Variants in CNOT6 observed in about 807,000 individuals in gnomAD.
The protein encoded by CNOT6 is carbon catabolite repression 4 protein.
Under a neutral mutation model 61.2 loss-of-function variants are expected in CNOT6, and 12 were observed. That is an observed-to-expected ratio of 0.20 (90% confidence interval 0.13 to 0.32). CNOT6 has a LOEUF of 0.32. Ranked by LOEUF, CNOT6 falls within the 10% of genes least tolerant of loss-of-function variation. The pLI, the probability that CNOT6 is intolerant of heterozygous loss-of-function variation, is 1.00. For missense variants in CNOT6, 405 were observed against 663.9 expected (o/e 0.61, Z 4.28); for synonymous variants, 225 against 240.6 (o/e 0.94, Z 0.60).
chr5:180,536,017 T>G (rs71591498), intron 2 of CNOT6, among the ~76,000 whole-genome samples: 14,119 of 87,372 alleles, frequency 0.16, 1,696 homozygotes, highest in Non-Finnish European at 0.2. Flanking sequence ...TTTTTTTTTT[T>G]GACAGTCTCA....
chr5:180,538,017 A>G (rs963548922), intron 2 of CNOT6, among the ~76,000 whole-genome samples: 7 of 150,634 alleles, frequency 4.6e-5, no homozygotes, highest in African/African-American at 1.7e-4. Flanking sequence ...AGCCTGGGCA[A>G]CATGGTGGAA....
At chr5:180,548,375 A>G (rs1759418693) in intron 2 of CNOT6, among the ~76,000 whole-genome samples, 2 of 152,232 alleles carry the variant, frequency 1.3e-5, no homozygotes, top group Admixed American at 6.5e-5. Context: ...AGTTTCTCAC[A>G]TGCATGTGTC....
At chr5:180,533,213 A>T (rs1758477493) in intron 2 of CNOT6, among the ~76,000 whole-genome samples, 1 of 151,470 alleles carries the variant, frequency 6.6e-6, no homozygotes, top group Admixed American at 6.6e-5. Flanking sequence ...GGAAAGGAGG[A>T]TAGGAGAAGG....
At chr5:180,531,047 T>C (rs1046385074) in intron 2 of CNOT6, among the ~76,000 whole-genome samples, 2 of 151,562 alleles carry the variant, frequency 1.3e-5, no homozygotes, top group South Asian at 2.1e-4. Context: ...AAACCGCCGT[T>C]GTCATCATGG....
At chr5:180,562,305 C>T (rs1010151351) in intron 4 of CNOT6, among the ~76,000 whole-genome samples, 21 of 152,126 alleles carry the variant, frequency 1.4e-4, no homozygotes, top group Admixed American at 1.2e-3. Flanking sequence ...CTCCATCTAC[C>T]CTAAAGTAAC....
chr5:180,570,251 G>A (rs12108765), intron 10 of CNOT6, among the ~76,000 whole-genome samples: 8,827 of 152,182 alleles, frequency 0.058, 345 homozygotes, highest in Non-Finnish European at 0.083. Context: ...CCAGCTACTC[G>A]GGAGGCTGAG....
At chr5:180,503,257 T>A (rs1756961152) in intron 1 of CNOT6, among the ~76,000 whole-genome samples, 1 of 142,696 alleles carries the variant, frequency 7.0e-6, no homozygotes, top group African/African-American at 2.4e-5. Flanking sequence ...CTAGTTTGTA[T>A]TTTTCTTTTT....
At chr5:180,548,821 T>G (rs1581539413) in intron 2 of CNOT6, among the ~76,000 whole-genome samples, 1 of 152,260 alleles carries the variant, frequency 6.6e-6, no homozygotes, top group East Asian at 1.9e-4. Flanking sequence ...AGAAAATTAA[T>G]CAGTTCTGAA....
intron 2 of CNOT6, among the ~76,000 whole-genome samples, chr5:180,541,881 G>T (rs1280430121): frequency 1.3e-5 from 2 of 151,556 alleles, no homozygotes; most frequent in Admixed American, 6.6e-5. Context: ...TCGCTCTGTT[G>T]CCCAGGCTAC....
chr5:180,541,128 A>G (rs1561649616), intron 2 of CNOT6, among the ~76,000 whole-genome samples: 1 of 151,764 alleles, frequency 6.6e-6, no homozygotes, highest in Non-Finnish European at 1.5e-5. Context: ...TCTTCTTTTT[A>G]AATTAAATTA....
Position 180,565,868 on chromosome 5 carries a change from C to G in CNOT6, c.608C>G (p.Thr203Ser), listed in dbSNP as rs1273924508. 1 of 1,613,448 alleles carries G rather than the reference C, an allele frequency of 6.2e-7. No homozygotes were observed. Among genetic ancestry groups the G allele is most frequent in the Non-Finnish European group, 8.5e-7 (1 of 1,179,496 alleles). The change falls in exon 7 of 12, where the codon ACC (threonine) becomes AGC (serine). Residue 203 changes from threonine (T) to serine (S), a missense_variant. Thr to Ser is a moderately conservative substitution (Grantham distance 58, BLOSUM62 1). This residue lies in a region of CNOT6 where 212 missense variants were observed against 307.1 expected (regional missense o/e 0.69). Coordinates refer to ENST00000261951, the MANE Select transcript of CNOT6 (RefSeq NM_001370472.1). ...CYNVLCDKYA[T>S]RQLYGYCPSW... is the part of the protein sequence containing the mutation. ...AATGTTCTTTGTGATAAATATGCGA[C>G]CCGGCAGTTATACGGCTACTGTCCA...
intron 1 of CNOT6, among the ~76,000 whole-genome samples, chr5:180,522,769 T>C (rs575642777): frequency 6.6e-6 from 1 of 152,212 alleles, no homozygotes; most frequent in East Asian, 1.9e-4. Context: ...CTGCCTTAGC[T>C]CCCAAAGTAG....
Position 180,576,609 on chromosome 5 carries a change from C to A in CNOT6, c.*2409C>A, listed in dbSNP as rs1177646977. 1 of 152,510 alleles carries A rather than the reference C, an allele frequency of 6.6e-6. No homozygotes were observed. The highest frequency in any genetic ancestry group is 2.4e-5 in the African/African-American group (1 of 41,426). 9.4% of individuals were successfully genotyped at this position (152,510 alleles called of 1,614,324 possible). A position where few individuals can be genotyped will look rare whatever the true frequency, so the allele number is the denominator to read the frequency against. ...GAACAGCTTCTCCACCTTATTTGGA[C>A]AGTGATAAATTGAACCAAGAGTGTA... On this transcript the variant is annotated 3_prime_UTR_variant, in exon 12 of 12. Coordinates refer to ENST00000261951, the MANE Select transcript of CNOT6 (RefSeq NM_001370472.1).
Position 180,499,673 on chromosome 5 carries a change from C to T in CNOT6, c.-3+4910C>T, listed in dbSNP as rs1756775290. ...TCAGTGACACATTTAAAAAAGGAACCTGGTAAAAATGATAGAACAGTTTTA... is the reference window on the plus strand; with the variant it reads ...TCAGTGACACATTTAAAAAAGGAACTTGGTAAAAATGATAGAACAGTTTTA... On this transcript the variant is annotated intron_variant, in intron 1 of 11. Transcript: ENST00000261951. Among the ~76,000 whole-genome samples, 3 of 152,110 alleles carry T rather than the reference C, an allele frequency of 2.0e-5. No homozygotes were observed. The South Asian group carries it at 6.2e-4, about 32-fold the overall frequency.
intron 11 of CNOT6, among the ~76,000 whole-genome samples, chr5:180,573,415 G>A (rs1760851197): frequency 6.6e-6 from 1 of 152,122 alleles, no homozygotes. Flanking sequence ...GTGGTGAGAG[G>A]TAGGGTAGTA....
chr5:180,500,329 C>A (rs1005930741), intron 1 of CNOT6, among the ~76,000 whole-genome samples: 1 of 152,076 alleles, frequency 6.6e-6, no homozygotes, highest in Non-Finnish European at 1.5e-5. Context: ...CCGGTTTGGT[C>A]TCACACTCCT....
chr5:180,575,237 G>T lies in CNOT6; in HGVS notation c.*1037G>T, dbSNP rs761294212. 3.3e-5 allele frequency: 5 copies of T among 152,392 alleles called. No homozygotes were observed. Among genetic ancestry groups the T allele is most frequent in the Non-Finnish European group, 7.4e-5 (5 of 68,024 alleles). 9.4% of individuals were successfully genotyped at this position (152,392 alleles called of 1,614,324 possible). On this transcript the variant is annotated 3_prime_UTR_variant, in exon 12 of 12. Transcript: ENST00000261951. Reference sequence around the variant, plus strand: ...TTAAAATACTGTTTAACATTTGTGAGAATTTTATGAAAATGCTTTTGTATG... The same window carrying T: ...TTAAAATACTGTTTAACATTTGTGATAATTTTATGAAAATGCTTTTGTATG...
At chr5:180,573,862 A>G (rs1760887888) in intron 11 of CNOT6, 126 bp from the exon 12 acceptor site, 2 of 680,932 alleles carry the variant, frequency 2.9e-6, no homozygotes, top group Non-Finnish European at 5.2e-6. Context: ...ACCTCATCCT[A>G]CAAGCTAGTA....
intron 1 of CNOT6, among the ~76,000 whole-genome samples, chr5:180,523,633 A>G (rs1452637926): frequency 6.6e-6 from 1 of 152,022 alleles, no homozygotes; most frequent in East Asian, 1.9e-4. Context: ...TCTTCATTCC[A>G]GTTGGTTTTC....
Sources: gnomAD v4.1 joint callset for allele counts (sites outside exome capture counted in the v4.1 genomes callset) on GRCh38, gnomAD v4.1.1 for gene constraint, gnomAD v4.1.1 regional missense constraint, MANE v1.5 for transcripts, NCBI Gene and HGNC (gene_info 2026-07-23, HGNC 2026-07-21) for gene names.